The following PAPSS1 variants were observed in gnomAD, a reference collection of about 807,000 sequenced individuals.
PAPSS1 encodes the protein 3'-phosphoadenosine 5'-phosphosulfate synthase 1.
PAPSS1 carries 50 observed loss-of-function variants against 72.0 expected under a neutral mutation model. The ratio of observed to expected loss-of-function variants is 0.69; its 90% CI spans 0.55 to 0.88. The LOEUF (loss-of-function observed/expected upper bound fraction) is 0.88. PAPSS1 is among the 40% of genes least tolerant of loss of function. The pLI is 0.00. For synonymous variants in PAPSS1, 261 were observed against 263.6 expected (o/e 0.99, Z 0.09); for missense variants, 657 against 782.2 (o/e 0.84, Z 1.91).
intron 5 of PAPSS1, among the ~76,000 whole-genome samples, chr4:107,679,188 A>G (rs1727736902): frequency 6.6e-6 from 1 of 152,030 alleles, no homozygotes; most frequent in Admixed American, 6.6e-5. Context: ...GAGAATCATC[A>G]CCACTTCGCA....
intron 1 of PAPSS1, among the ~76,000 whole-genome samples, chr4:107,713,498 G>T (rs902078790): frequency 1.3e-5 from 2 of 152,036 alleles, no homozygotes; most frequent in Admixed American, 6.5e-5. Context: ...GGTGACCCAC[G>T]CCTGTAATCC....
At chr4:107,718,207 T>A (rs1041178425) in intron 1 of PAPSS1, 2 of 152,194 alleles carry the variant, frequency 1.3e-5, no homozygotes, top group African/African-American at 4.8e-5. Context: ...GGGTGTTCCA[T>A]GAGGGAGAGA....
chr4:107,673,223 C>T lies in PAPSS1; in HGVS notation c.669+8792G>A, dbSNP rs575678107. Reference sequence around the variant, plus strand: ...AAAGCTGGACGGAGAATGACTTTGACGAGTTGAGAGAAGAAGGCTTCAGAT... The same window carrying T: ...AAAGCTGGACGGAGAATGACTTTGATGAGTTGAGAGAAGAAGGCTTCAGAT... On this transcript the variant is annotated intron_variant, in intron 5 of 11. Transcript: ENST00000265174. Among the ~76,000 whole-genome samples the T allele has an allele frequency of 1.5e-4, 23 of 152,196 alleles. 1 individual carries two copies. Among genetic ancestry groups the T allele is most frequent in the Admixed American group, 1.3e-3 (20 of 15,292 alleles).
intron 10 of PAPSS1, among the ~76,000 whole-genome samples, chr4:107,635,710 A>T (rs557602774): frequency 6.6e-6 from 1 of 152,368 alleles, no homozygotes; most frequent in East Asian, 1.9e-4. Context: ...ATAAATAAAT[A>T]AAACCACTAA....
chr4:107,619,983 C>T (rs764556033), intron 11 of PAPSS1, among the ~76,000 whole-genome samples: 14 of 152,220 alleles, frequency 9.2e-5, no homozygotes, highest in Non-Finnish European at 1.8e-4. Flanking sequence ...AGATGACTCT[C>T]GGCCACTTGT....
intron 9 of PAPSS1, among the ~76,000 whole-genome samples, chr4:107,648,468 T>C (rs1042391263): frequency 6.6e-6 from 1 of 152,146 alleles, no homozygotes; most frequent in African/African-American, 2.4e-5. Flanking sequence ...TCCTAGTCAA[T>C]CTTCCTCAGA....
chr4:107,645,164 A>ATCAAGTT, intron 9 of PAPSS1, 94 bp from the exon 10 acceptor site: 1 of 924,914 alleles, frequency 1.1e-6, no homozygotes, highest in Non-Finnish European at 1.5e-6. Flanking sequence ...GATACTTAGG[A>ATCAAGTT]TTAAGCAAAA....
intron 5 of PAPSS1, among the ~76,000 whole-genome samples, chr4:107,665,119 G>A (rs988759109): frequency 2.6e-5 from 4 of 152,200 alleles, no homozygotes; most frequent in Admixed American, 2.0e-4. Flanking sequence ...TGCAAAAATA[G>A]CATGAATCAA....
chr4:107,663,802 C>G (rs1292946514), intron 5 of PAPSS1, among the ~76,000 whole-genome samples: 1 of 152,038 alleles, frequency 6.6e-6, no homozygotes, highest in Admixed American at 6.5e-5. Flanking sequence ...CATAGATGAG[C>G]GAATTGAAGT....
chr4:107,630,720 G>A (rs563665580), intron 11 of PAPSS1, among the ~76,000 whole-genome samples: 113 of 152,248 alleles, frequency 7.4e-4, no homozygotes, highest in African/African-American at 2.6e-3. Flanking sequence ...TAAGACCACA[G>A]ACTCTAAAAC....
chr4:107,627,339 T>C (rs959704732), intron 11 of PAPSS1, among the ~76,000 whole-genome samples: 3 of 152,176 alleles, frequency 2.0e-5, no homozygotes, highest in African/African-American at 7.2e-5. Context: ...GCCACTATAT[T>C]AGCAACTTAA....
At chr4:107,650,548 T>C (rs1726811097) in intron 9 of PAPSS1, among the ~76,000 whole-genome samples, 1 of 152,192 alleles carries the variant, frequency 6.6e-6, no homozygotes, top group Admixed American at 6.5e-5. Context: ...GGCAAAAATT[T>C]AAATAACATG....
chr4:107,644,060 G>A (rs999240873), intron 10 of PAPSS1, among the ~76,000 whole-genome samples: 4 of 152,122 alleles, frequency 2.6e-5, no homozygotes, highest in African/African-American at 7.2e-5. Context: ...AACCCAAACT[G>A]TGCCTGGACT....
At chr4:107,646,235 G>GT (rs527799327) in intron 9 of PAPSS1, among the ~76,000 whole-genome samples, 4 of 151,326 alleles carry the variant, frequency 2.6e-5, no homozygotes, top group Non-Finnish European at 5.9e-5. Context: ...TTCAAATTTG[G>GT]TTTTACATAT....
intron 1 of PAPSS1, among the ~76,000 whole-genome samples, chr4:107,712,373 T>C (rs939935387): frequency 2.6e-5 from 4 of 152,190 alleles, no homozygotes; most frequent in Non-Finnish European, 4.4e-5. Context: ...CCCTGTCTCC[T>C]AACACAAACA....
Position 107,649,084 on chromosome 4 carries a change from C to T in PAPSS1, c.1238-4014G>A, listed in dbSNP as rs184605391. Among the ~76,000 whole-genome samples the T allele has an allele frequency of 7.9e-5, 12 of 152,258 alleles. 1 individual carries two copies. In the East Asian group the frequency reaches 1.9e-3, roughly 25 times the overall value. The stretch of plus-strand genomic sequence containing the variant: ...GCTTTGTGCCAACTGGGTTCTGTGC[C>T]GCTTATTTGCCATTCCCCTCCCCAT... On this transcript the variant is annotated intron_variant, in intron 9 of 11. Transcript: ENST00000265174.
chr4:107,686,274 G>A (rs1722784666), intron 4 of PAPSS1, among the ~76,000 whole-genome samples: 1 of 152,190 alleles, frequency 6.6e-6, no homozygotes, highest in Non-Finnish European at 1.5e-5. Context: ...ATGTGAGGAT[G>A]TGCAAGTCCC....
intron 9 of PAPSS1, among the ~76,000 whole-genome samples, chr4:107,645,947 G>A (rs963757130): frequency 2.6e-5 from 4 of 152,132 alleles, no homozygotes; most frequent in Non-Finnish European, 4.4e-5. Context: ...AGGTACCACA[G>A]GAAGACTGTG....
At chr4:107,640,374 C>T (rs998051739) in intron 10 of PAPSS1, among the ~76,000 whole-genome samples, 1 of 152,180 alleles carries the variant, frequency 6.6e-6, no homozygotes, top group Non-Finnish European at 1.5e-5. Flanking sequence ...GGCTTAACAG[C>T]TGCCCATGGT....
Sources: gnomAD v4.1 joint callset for allele counts (sites outside exome capture counted in the v4.1 genomes callset) on GRCh38, gnomAD v4.1.1 for gene constraint, MANE v1.5 for transcripts, NCBI Gene and HGNC (gene_info 2026-07-23, HGNC 2026-07-21) for gene names.